The following ACAD10 variants were observed in gnomAD, a reference collection of about 807,000 sequenced individuals.
The protein encoded by ACAD10 is ACAD-10.
In ACAD10, 112 loss-of-function variants were observed where a neutral mutation model predicts 116.8. The ratio of observed to expected loss-of-function variants is 0.96; its 90% CI spans 0.82 to 1.12. The LOEUF (loss-of-function observed/expected upper bound fraction) is 1.12, where lower values mean the gene tolerates loss of function less well. Among genes scored for constraint, ACAD10 ranks in the 50% most tolerant of loss-of-function variants. ACAD10 has a pLI of 0.00. For synonymous variants in ACAD10, 486 were observed against 510.6 expected (o/e 0.95, Z 0.65); for missense variants, 1,259 against 1,350.2 (o/e 0.93, Z 1.06).
intron 7 of ACAD10, 65 bp downstream of exon 7, chr12:111,716,027 A>G: frequency 6.3e-7 from 1 of 1,594,914 alleles, no homozygotes; most frequent in Admixed American, 1.8e-5. Context: ...CTCAGCCCTA[A>G]ACTGAAAAGT....
At chr12:111,702,070 G>C in intron 2 of ACAD10, 92 bp from the exon 3 acceptor site, 1 of 1,354,952 alleles carries the variant, frequency 7.4e-7, no homozygotes, top group Non-Finnish European at 1.0e-6. Flanking sequence ...AGTACAGCGA[G>C]TCCGTAGGAA....
chr12:111,722,256 G>T (rs1028082687), intron 8 of ACAD10, among the ~76,000 whole-genome samples: 5 of 152,112 alleles, frequency 3.3e-5, no homozygotes, highest in African/African-American at 7.2e-5. Context: ...TAGAGACAGG[G>T]TTTCGCCATG....
chr12:111,723,767 A>G (rs1243751470), intron 8 of ACAD10, among the ~76,000 whole-genome samples: 2,092 of 145,884 alleles, frequency 0.014, 58 homozygotes, highest in African/African-American at 0.049. Flanking sequence ...GCTGCCGGGC[A>G]GAGAGGCTCC....
At chr12:111,698,525 T>C (rs1206403824) in intron 2 of ACAD10, among the ~76,000 whole-genome samples, 2 of 151,762 alleles carry the variant, frequency 1.3e-5, no homozygotes, top group African/African-American at 4.8e-5. Flanking sequence ...TTGCCCAAGC[T>C]GGAATGTAAT....
chr12:111,745,176 G>C, intron 13 of ACAD10, 133 bp downstream of exon 13: 1 of 1,033,022 alleles, frequency 9.7e-7, no homozygotes, highest in Non-Finnish European at 1.4e-6. Flanking sequence ...TGCTTCCATC[G>C]TCTCAGAAAG....
At chr12:111,706,760 T>TATATA (rs1888518541) in intron 4 of ACAD10, among the ~76,000 whole-genome samples, 5 of 131,592 alleles carry the variant, frequency 3.8e-5, no homozygotes, top group African/African-American at 1.2e-4. Flanking sequence ...CTATTTATTT[T>TATATA]TTTATATATA....
At position 111,721,749 on chromosome 12, in the gene ACAD10, A is replaced by G. The variant is rs1032550677; in HGVS notation, c.1061+10A>G. 2 of 1,587,842 alleles carry G rather than the reference A, an allele frequency of 1.3e-6. No homozygotes were observed. Among genetic ancestry groups the G allele is most frequent in the African/African-American group, 1.3e-5 (1 of 74,674 alleles). ...TCTGTGAAGATTCAAGGTAAAGTTC[A>G]GATGTTTTTGCTATTGCACTTTCAA... On this transcript the variant is annotated intron_variant, in intron 8 of 20. Transcript: ENST00000313698.
chr12:111,715,822 C>G lies in ACAD10; in HGVS notation c.852C>G (p.Gly284=). The change falls in exon 7 of 21, where the codon GGC becomes GGG. Residue 284 remains glycine, a splice_region_variant and synonymous_variant. Transcript: ENST00000313698. ...TTTTCTTTGTTTTCAAACTTGCAGG[C>G]CCATTGGAACTACTTCAGTTTGATC... ...LKDLLGIQTT[G]PLELLQFDHG... is the part of the protein sequence containing the mutation. 1 of 1,614,132 alleles carries G rather than the reference C, an allele frequency of 6.2e-7. No homozygotes were observed. Among genetic ancestry groups the G allele is most frequent in the Non-Finnish European group, 8.5e-7 (1 of 1,180,016 alleles).
At chr12:111,694,244 C>G (rs1266474404) in intron 2 of ACAD10, among the ~76,000 whole-genome samples, 1 of 152,202 alleles carries the variant, frequency 6.6e-6, no homozygotes, top group African/African-American at 2.4e-5. Flanking sequence ...GGTGCTACGC[C>G]TGAGCCTCTC....
intron 3 of ACAD10, among the ~76,000 whole-genome samples, chr12:111,703,680 A>G (rs2135950902): frequency 1.3e-5 from 2 of 152,132 alleles, no homozygotes; most frequent in East Asian, 3.9e-4. Context: ...TCTACTAAAA[A>G]TACAAAATTT....
At chr12:111,728,248 G>T in intron 9 of ACAD10, 105 bp downstream of exon 9, 4 of 1,144,864 alleles carry the variant, frequency 3.5e-6, no homozygotes, top group Non-Finnish European at 1.2e-6. Context: ...CACACCAAGC[G>T]TAAGGCAGAC....
intron 12 of ACAD10, among the ~76,000 whole-genome samples, chr12:111,738,998 TG>T (rs1378363051): frequency 4.5e-4 from 5 of 11,096 alleles, no homozygotes; most frequent in Admixed American, 1.9e-3. Flanking sequence ...GAAAATGGGG[TG>T]GGGGGGTGGG....
At chr12:111,756,273 TG>T (rs1220987872) in intron 20 of ACAD10, 59 bp from the exon 21 acceptor site, 51 of 1,516,484 alleles carry the variant, frequency 3.4e-5, no homozygotes, top group Non-Finnish European at 4.5e-5. Flanking sequence ...CTATCATTCC[TG>T]GGGCTCTCGG....
At chr12:111,709,731 A>C in intron 5 of ACAD10, 47 bp downstream of exon 5, 4 of 1,525,960 alleles carry the variant, frequency 2.6e-6, no homozygotes, top group Non-Finnish European at 1.8e-6. Context: ...CCAGCCACTA[A>C]TGCAATGTTT....
chr12:111,702,724 T>C (rs1888384451), intron 3 of ACAD10, among the ~76,000 whole-genome samples: 1 of 151,958 alleles, frequency 6.6e-6, no homozygotes, highest in Non-Finnish European at 1.5e-5. Flanking sequence ...AGAGCGAAAC[T>C]GTCTCAAAAA....
intron 6 of ACAD10, among the ~76,000 whole-genome samples, chr12:111,713,338 T>G (rs1888747352): frequency 6.9e-6 from 1 of 145,022 alleles, no homozygotes; most frequent in African/African-American, 2.6e-5. Context: ...GAATTTGCAT[T>G]GCTGACCGGG....
At chr12:111,718,301 G>T (rs776077537) in intron 7 of ACAD10, among the ~76,000 whole-genome samples, 1 of 151,756 alleles carries the variant, frequency 6.6e-6, no homozygotes, top group Non-Finnish European at 1.5e-5. Context: ...CACCTGCCTC[G>T]GCCTCCCAAA....
rs368783737 is a variant in ACAD10, at chr12:111,692,831, C to G, written c.122C>G (p.Thr41Ser). 3.7e-6 allele frequency: 6 copies of G among 1,614,082 alleles called. No homozygotes were observed. The African/African-American group carries it at 8.0e-5, about 22-fold the overall frequency. ...CGATGGACACACCTTGGAGGCAGCA[C>G]CTACAGAGCGGTGATTTTCGACATG... ...SHRWTHLGGS[T>S]YRAVIFDMGG... is the part of the protein sequence containing the mutation. Residue 41 changes from threonine (T) to serine (S), a missense_variant, in exon 2 of 21, where the codon ACC (threonine) becomes AGC (serine). Thr to Ser is a moderately conservative substitution (Grantham distance 58, BLOSUM62 1). Coordinates refer to ENST00000313698, the MANE Select transcript of ACAD10 (RefSeq NM_025247.6).
intron 11 of ACAD10, among the ~76,000 whole-genome samples, chr12:111,736,183 TTG>T (rs1273138902): frequency 1.6e-5 from 2 of 128,330 alleles, no homozygotes; most frequent in Non-Finnish European, 3.3e-5. Flanking sequence ...ACCCAGCCAA[TTG>T]TTTTTTTTTT....
Sources: allele counts gnomAD v4.1 joint callset (sites outside exome capture counted in the v4.1 genomes callset), GRCh38; gene constraint gnomAD v4.1.1; transcripts MANE v1.5; gene names NCBI Gene and HGNC (gene_info 2026-07-23, HGNC 2026-07-21).